The following KLHL13 variants were observed in gnomAD, a reference collection of about 807,000 sequenced individuals.
KLHL13 encodes the protein kelch-like protein 13.
In KLHL13, 10 loss-of-function variants were observed where a neutral mutation model predicts 37.1. The ratio of observed to expected loss-of-function variants is 0.27; its 90% CI spans 0.17 to 0.46. The LOEUF is 0.46. Among genes scored for constraint, KLHL13 ranks in the 20% least tolerant of loss-of-function variants. The pLI, the probability that KLHL13 is intolerant of heterozygous loss-of-function variation, is 1.00. For missense variants in KLHL13, 360 were observed against 509.3 expected, an observed-to-expected ratio of 0.71 and a Z score of 2.82; for synonymous variants, 163 against 181.2, an observed-to-expected ratio of 0.90 and a Z score of 0.81.
At chrX:118,031,539 ATT>A (rs2054343964) in intron 1 of KLHL13, among the ~76,000 whole-genome samples, 1 of 82,269 alleles carries the variant, frequency 1.2e-5, no homozygotes, top group Non-Finnish European at 2.3e-5. Context: ...TTATATATAT[ATT>A]AGTTATATAT....
chrX:117,950,399 G>A (rs1378089450), intron 1 of KLHL13, among the ~76,000 whole-genome samples: 1 of 111,566 alleles, frequency 9.0e-6, no homozygotes, highest in Non-Finnish European at 1.9e-5. Flanking sequence ...CCTGGGGGGC[G>A]GAGGGTGCAG....
chrX:117,986,637 T>C (rs1449544269), intron 1 of KLHL13, among the ~76,000 whole-genome samples: 1 of 111,785 alleles, frequency 8.9e-6, no homozygotes, highest in Non-Finnish European at 1.9e-5. Flanking sequence ...GCTTTCTTTG[T>C]TCTTTCTCGC....
intron 2 of KLHL13, among the ~76,000 whole-genome samples, chrX:117,922,233 C>T (rs2147704052): frequency 9.0e-6 from 1 of 111,116 alleles, no homozygotes; most frequent in African/African-American, 3.3e-5. Context: ...GTCGCCCAGG[C>T]TGGAGTGCAG....
intron 1 of KLHL13, among the ~76,000 whole-genome samples, chrX:118,081,405 A>T (rs7881813): frequency 1.4e-3 from 154 of 111,634 alleles, no homozygotes; most frequent in African/African-American, 4.8e-3. Flanking sequence ...CAATATCTAT[A>T]AAAAAATAAG....
chrX:118,053,291 C>T (rs748198305), intron 1 of KLHL13, among the ~76,000 whole-genome samples: 1 of 111,790 alleles, frequency 8.9e-6, no homozygotes, highest in Non-Finnish European at 1.9e-5. Context: ...ACATATACAC[C>T]ACGGAATACT....
chrX:118,063,822 A>G (rs1039738547), intron 1 of KLHL13, among the ~76,000 whole-genome samples: 1 of 111,872 alleles, frequency 8.9e-6, no homozygotes, highest in Non-Finnish European at 1.9e-5. Flanking sequence ...ATTAATTTTA[A>G]GTCATGAGCC....
chrX:118,106,331 A>T (rs769805361), intron 1 of KLHL13, among the ~76,000 whole-genome samples: 1 of 111,642 alleles, frequency 9.0e-6, no homozygotes, highest in African/African-American at 3.2e-5. Context: ...AATAAACAGA[A>T]TAAGAACAGT....
intron 4 of KLHL13, among the ~76,000 whole-genome samples, chrX:117,913,353 G>T (rs891598157): frequency 3.6e-5 from 4 of 111,730 alleles, no homozygotes; most frequent in African/African-American, 1.3e-4. Flanking sequence ...GACTTATAAT[G>T]CAATTTACAT....
At position 117,993,586 on chromosome X, in the gene KLHL13, A is replaced by G. The variant is rs75549890; in HGVS notation, c.-55-48011T>C. On this transcript the variant is annotated intron_variant, in intron 1 of 6. Coordinates refer to the KLHL13 transcript ENST00000371882. ...TTGAACCCAAGCAGTCTAGCTCCAGAGCATATATTCTCAAGCCCTCTACTA... is the reference window on the plus strand; with the variant it reads ...TTGAACCCAAGCAGTCTAGCTCCAGGGCATATATTCTCAAGCCCTCTACTA... Among the ~76,000 whole-genome samples, 643 of 111,348 alleles carry G rather than the reference A, an allele frequency of 5.8e-3. 7 individuals carry two copies. The highest frequency in any genetic ancestry group is 0.02 in the African/African-American group (616 of 30,628).
chrX:117,921,655 T>C (rs1210638235), intron 2 of KLHL13, among the ~76,000 whole-genome samples: 1 of 112,174 alleles, frequency 8.9e-6, no homozygotes, highest in East Asian at 2.8e-4. Context: ...AATAAAACTA[T>C]GTTTTGTTTC....
At position 118,033,243 on chromosome X, in the gene KLHL13, G is replaced by A. The variant is rs370751662; in HGVS notation, c.-56+83265C>T. ...TTCAGATTCAGGAAATACAGAGAAC[G>A]CCACAAAGATACTCCTCAAGAAGAG... On this transcript the variant is annotated intron_variant, in intron 1 of 6. Transcript: ENST00000371882. 1.1e-3 allele frequency among the ~76,000 whole-genome samples: 125 copies of A among 110,554 alleles called. 1 individual carries two copies. In the South Asian group the frequency reaches 0.044, roughly 39 times the overall value.
intron 1 of KLHL13, among the ~76,000 whole-genome samples, chrX:118,100,080 C>T (rs1458312744): frequency 8.9e-6 from 1 of 111,920 alleles, no homozygotes; most frequent in Non-Finnish European, 1.9e-5. Context: ...TCTCCCCTCA[C>T]GCTTTTCATT....
chrX:117,959,117 T>C lies in KLHL13; in HGVS notation c.99-13542A>G, dbSNP rs143026398. Among the ~76,000 whole-genome samples, 255 of 111,707 alleles carry C rather than the reference T, an allele frequency of 2.3e-3. 1 individual carries two copies. The highest frequency in any genetic ancestry group is 7.9e-3 in the African/African-American group (242 of 30,733). On this transcript the variant is annotated intron_variant, in intron 1 of 6. Transcript: ENST00000262820. ...AAAACACTCTAATTGTATCTATCTATATGCTTCAGCAACATTTCTATGAAA... is the reference window on the plus strand; with the variant it reads ...AAAACACTCTAATTGTATCTATCTACATGCTTCAGCAACATTTCTATGAAA...
At chrX:117,974,827 A>G (rs1378958691), upstream of KLHL13, among the ~76,000 whole-genome samples, 3 of 111,374 alleles carry the variant, frequency 2.7e-5, no homozygotes, top group Non-Finnish European at 5.7e-5. Flanking sequence ...AGCCATCATT[A>G]CCTTACATAC....
intron 1 of KLHL13, among the ~76,000 whole-genome samples, chrX:117,961,169 A>G (rs1419304348): frequency 8.9e-6 from 1 of 111,927 alleles, no homozygotes; most frequent in Non-Finnish European, 1.9e-5. Flanking sequence ...TTTTCATGAT[A>G]TTTTCAACAC....
At chrX:118,082,590 G>A (rs2055008544) in intron 1 of KLHL13, among the ~76,000 whole-genome samples, 1 of 111,411 alleles carries the variant, frequency 9.0e-6, no homozygotes, top group Non-Finnish European at 1.9e-5. Context: ...TAGCTGTGTA[G>A]AAGCTTTCTA....
chrX:117,920,412 T>C, intron 2 of KLHL13, 42 bp from the exon 4 acceptor site: 6 of 1,176,856 alleles, frequency 5.1e-6, no homozygotes, highest in South Asian at 1.9e-5. Context: ...CAAGGTAAAA[T>C]GAGGTTACAA....
chrX:118,103,407 T>C (rs2055311295), intron 1 of KLHL13, among the ~76,000 whole-genome samples: 1 of 111,842 alleles, frequency 8.9e-6, no homozygotes, highest in African/African-American at 3.2e-5. Context: ...CAACTCACTT[T>C]AACTTCAACT....
intron 2 of KLHL13, among the ~76,000 whole-genome samples, chrX:117,942,803 T>C (rs143553060): frequency 0.092 from 10,240 of 111,159 alleles, 441 homozygotes; most frequent in African/African-American, 0.16. Flanking sequence ...TGTCTTTTAA[T>C]TGGGGCATTT....
Sources: gnomAD v4.1 joint callset for allele counts (sites outside exome capture counted in the v4.1 genomes callset) on GRCh38, gnomAD v4.1.1 for gene constraint, MANE v1.5 for transcripts, NCBI Gene and HGNC (gene_info 2026-07-23, HGNC 2026-07-21) for gene names.